Variants in CSMD1 observed in about 807,000 individuals in gnomAD.
CSMD1 encodes CUB and Sushi multiple domains 1, also known as CUB and sushi domain-containing protein 1.
A neutral mutation model predicts 417.5 loss-of-function variants in CSMD1; 213 were observed. The ratio of observed to expected loss-of-function variants is 0.51; its 90% CI spans 0.46 to 0.57. The LOEUF is 0.57. Ranked by LOEUF, CSMD1 falls within the 20% of genes least tolerant of loss-of-function variation. CSMD1 has a pLI of 0.00. For synonymous variants in CSMD1, 2,862 were observed against 1,736.8 expected (o/e 1.65, Z -16.11); for missense variants, 6,923 against 4,529.7 (o/e 1.53, Z -15.17).
intron 31 of CSMD1, among the ~76,000 whole-genome samples, chr8:3,201,945 A>G (rs1053892589): frequency 4.6e-5 from 7 of 152,130 alleles, no homozygotes; most frequent in Admixed American, 4.6e-4. Flanking sequence ...AAAAGAAAAA[A>G]TACTGTTTTA....
intron 3 of CSMD1, among the ~76,000 whole-genome samples, chr8:4,370,462 T>G (rs1487206344): frequency 6.6e-6 from 1 of 152,162 alleles, no homozygotes; most frequent in Non-Finnish European, 1.5e-5. Flanking sequence ...TTCTCTGAAT[T>G]TCTTGCATTT....
intron 2 of CSMD1, among the ~76,000 whole-genome samples, chr8:4,443,295 C>T (rs1255369922): frequency 1.3e-5 from 2 of 152,068 alleles, no homozygotes; most frequent in African/African-American, 4.8e-5. Flanking sequence ...TTTGTATTCG[C>T]TAGAAAATAA....
chr8:3,577,102 G>T (rs1159139586), intron 9 of CSMD1, among the ~76,000 whole-genome samples: 1 of 152,150 alleles, frequency 6.6e-6, no homozygotes, highest in Non-Finnish European at 1.5e-5. Context: ...CCTGTCATTG[G>T]CCCAGATGTT....
intron 3 of CSMD1, among the ~76,000 whole-genome samples, chr8:4,167,880 C>T (rs982371425): frequency 2.6e-5 from 4 of 152,090 alleles, no homozygotes; most frequent in Non-Finnish European, 5.9e-5. Flanking sequence ...GTAATCTCAG[C>T]ACTTTGGGAG....
chr8:3,768,187 C>A, intron 5 of CSMD1, among the ~76,000 whole-genome samples: 1 of 152,160 alleles, frequency 6.6e-6, no homozygotes, highest in East Asian at 1.9e-4. Context: ...TTAAGGGAAT[C>A]TTTAGGAAGA....
intron 3 of CSMD1, among the ~76,000 whole-genome samples, chr8:4,335,817 A>G (rs929067796): frequency 1.3e-5 from 2 of 152,096 alleles, no homozygotes; most frequent in African/African-American, 2.4e-5. Context: ...AAGATACAAC[A>G]TTACTCAGCC....
intron 6 of CSMD1, among the ~76,000 whole-genome samples, chr8:3,734,736 G>A (rs375773618): frequency 3.9e-4 from 59 of 152,232 alleles, no homozygotes; most frequent in African/African-American, 1.4e-3. Context: ...ATGAAATACA[G>A]AAACTCTCCT....
intron 2 of CSMD1, among the ~76,000 whole-genome samples, chr8:4,460,585 A>G (rs1464542822): frequency 2.7e-5 from 4 of 150,864 alleles, no homozygotes; most frequent in Non-Finnish European, 1.5e-5. Context: ...CAAGAAATAA[A>G]GAAGTCTCAA....
intron 3 of CSMD1, among the ~76,000 whole-genome samples, chr8:4,146,594 ATTTT>A (rs71205423): frequency 4.1e-3 from 262 of 63,842 alleles, no homozygotes; most frequent in Middle Eastern, 0.033. Context: ...ATATGGACAC[ATTTT>A]TTTTTTTTTT....
intron 3 of CSMD1, among the ~76,000 whole-genome samples, chr8:4,164,866 G>A (rs1486499136): frequency 7.8e-6 from 1 of 127,474 alleles, no homozygotes; most frequent in Admixed American, 8.3e-5. Context: ...AACAGAGCAA[G>A]ACTCCATCTC....
chr8:3,581,258 C>G (rs984275556), intron 9 of CSMD1, among the ~76,000 whole-genome samples: 1 of 152,200 alleles, frequency 6.6e-6, no homozygotes, highest in East Asian at 1.9e-4. Flanking sequence ...GTTAAAGATA[C>G]TCATACAGTT....
At chr8:3,854,476 C>T (rs1437257037) in intron 5 of CSMD1, among the ~76,000 whole-genome samples, 1 of 152,116 alleles carries the variant, frequency 6.6e-6, no homozygotes, top group East Asian at 1.9e-4. Context: ...CACGTTATAG[C>T]TGTATTAACT....
At chr8:4,538,654 A>G (rs79025043) in intron 2 of CSMD1, among the ~76,000 whole-genome samples, 11,866 of 152,134 alleles carry the variant, frequency 0.078, 564 homozygotes, top group South Asian at 0.14. Context: ...AAAAAAAATG[A>G]AATGAAATGA....
intron 1 of CSMD1, among the ~76,000 whole-genome samples, chr8:4,875,608 C>G (rs766028101): frequency 6.6e-6 from 1 of 152,030 alleles, no homozygotes; most frequent in South Asian, 2.1e-4. Context: ...CTAAGCGTAG[C>G]TTGAGTTGTT....
intron 2 of CSMD1, among the ~76,000 whole-genome samples, chr8:4,607,679 C>T (rs914961538): frequency 6.6e-6 from 1 of 152,088 alleles, no homozygotes; most frequent in East Asian, 1.9e-4. Flanking sequence ...AAATTTCCAC[C>T]TTTTTTCCAG....
chr8:4,786,865 G>A (rs942437567), intron 1 of CSMD1, among the ~76,000 whole-genome samples: 1 of 152,102 alleles, frequency 6.6e-6, no homozygotes. Context: ...CAAGAAAATA[G>A]TAATTATTTA....
intron 5 of CSMD1, among the ~76,000 whole-genome samples, chr8:3,879,878 T>C (rs1369671539): frequency 1.3e-5 from 2 of 152,044 alleles, no homozygotes; most frequent in African/African-American, 4.8e-5. Context: ...TCTTCTGGTG[T>C]GGATGTTGTA....
At chr8:4,112,379 G>A (rs1055111738) in intron 3 of CSMD1, among the ~76,000 whole-genome samples, 6 of 152,166 alleles carry the variant, frequency 3.9e-5, no homozygotes, top group Non-Finnish European at 7.4e-5. Context: ...ACCCATCCAG[G>A]AAGAAAATGC....
chr8:3,560,952 C>A (rs565901264), intron 10 of CSMD1, among the ~76,000 whole-genome samples: 1 of 152,262 alleles, frequency 6.6e-6, no homozygotes, highest in African/African-American at 2.4e-5. Flanking sequence ...TCCAGATTCA[C>A]AGAGCATCCC....
Sources: gnomAD v4.1 joint callset for allele counts (sites outside exome capture counted in the v4.1 genomes callset) on GRCh38, gnomAD v4.1.1 for gene constraint, MANE v1.5 for transcripts, NCBI Gene and HGNC (gene_info 2026-07-23, HGNC 2026-07-21) for gene names.